PJA2: variants seen among roughly 807,000 people sequenced by gnomAD.
PJA2 encodes the protein E3 ubiquitin-protein ligase Praja-2.
In PJA2, 25 loss-of-function variants were observed where a neutral mutation model predicts 69.3. That is an observed-to-expected ratio of 0.36 (90% confidence interval 0.26 to 0.50). The LOEUF (loss-of-function observed/expected upper bound fraction) is 0.50, where lower values mean the gene tolerates loss of function less well. Ranked by LOEUF, PJA2 falls within the 20% of genes least tolerant of loss-of-function variation. PJA2 has a pLI of 0.96. For synonymous variants in PJA2, 308 were observed against 277.8 expected, an observed-to-expected ratio of 1.11 and a Z score of -1.08; for missense variants, 809 against 830.2, an observed-to-expected ratio of 0.97 and a Z score of 0.31.
chr5:109,370,301 A>C (rs1223424114), intron 4 of PJA2, among the ~76,000 whole-genome samples: 1 of 152,186 alleles, frequency 6.6e-6, no homozygotes, highest in African/African-American at 2.4e-5. Context: ...ACATTTTTGA[A>C]AGGAAGTGAT....
rs1746950611 is a variant in PJA2, at chr5:109,378,430, C to T, written c.1057G>A (p.Glu353Lys). 2 of 1,614,042 alleles carry T rather than the reference C, an allele frequency of 1.2e-6. No homozygotes were observed. Among genetic ancestry groups the T allele is most frequent in the Admixed American group, 1.7e-5 (1 of 60,004 alleles). ...VQRWREALEVEESGSDDLLIK... is the reference protein window; with the variant it reads ...VQRWREALEVKESGSDDLLIK... ...AAGAGGTCATCTGAGCCACTTTCCT[C>T]AACTTCCAAAGCCTCTCTCCATCTT... is the stretch of plus-strand genomic sequence containing the variant. Residue 353 changes from glutamate (E) to lysine (K), a missense_variant, in exon 4 of 10, where the codon GAG (glutamate) becomes AAG (lysine). Physicochemically the swap from Glu to Lys is moderately conservative, Grantham distance 56. Transcript: ENST00000361189.
chr5:109,341,638 G>A (rs1340003948), intron 9 of PJA2, among the ~76,000 whole-genome samples: 24 of 76,170 alleles, frequency 3.2e-4, no homozygotes, highest in African/African-American at 1.4e-3. Flanking sequence ...CGCCCCGTCC[G>A]GGAGGGAGGT....
chr5:109,354,566 TATA>T (rs576175627), intron 7 of PJA2, among the ~76,000 whole-genome samples: 49 of 47,208 alleles, frequency 1.0e-3, no homozygotes, highest in East Asian at 9.5e-3. Flanking sequence ...ATTAGATATC[TATA>T]ATATCTATAG....
chr5:109,356,412 C>T (rs1762413581), intron 6 of PJA2, among the ~76,000 whole-genome samples: 1 of 152,116 alleles, frequency 6.6e-6, no homozygotes, highest in Non-Finnish European at 1.5e-5. Context: ...CATACTGGCA[C>T]TCAAAAAGTT....
intron 1 of PJA2, among the ~76,000 whole-genome samples, chr5:109,388,149 C>G (rs958399397): frequency 1.3e-5 from 2 of 152,180 alleles, no homozygotes; most frequent in Non-Finnish European, 2.9e-5. Flanking sequence ...CTTAATTTCT[C>G]TGCTCACTCT....
Position 109,337,154 on chromosome 5 carries a change from T to C in PJA2, c.*77A>G. ...TAGCATTTTTAAATATATTTATATA[T>C]AATTATTTGCACATGAAATTTAGAA... On this transcript the variant is annotated 3_prime_UTR_variant, in exon 10 of 10. Coordinates refer to ENST00000361189, the MANE Select transcript of PJA2 (RefSeq NM_014819.5). The C allele has an allele frequency of 7.3e-7, 1 of 1,364,444 alleles. No homozygotes were observed. Among genetic ancestry groups the C allele is most frequent in the Admixed American group, 2.1e-5 (1 of 47,442 alleles). The allele number at this position is 1,364,444 out of a possible 1,614,324, so 84.5% of individuals were successfully genotyped here.
At chr5:109,356,061 C>T in intron 6 of PJA2, 35 bp from the exon 7 acceptor site, 1 of 1,421,460 alleles carries the variant, frequency 7.0e-7, no homozygotes, top group Non-Finnish European at 9.8e-7. Flanking sequence ...AAAAACTCAC[C>T]ACTATGATTT....
At position 109,344,818 on chromosome 5, in the gene PJA2, G is replaced by C. The variant is rs748593027; in HGVS notation, c.1766C>G (p.Thr589Ser). Reference sequence around the variant, plus strand: ...AAGAGACTCTAAATGGGCCAGAGCAGTCTGAAAAACAAAAGGTACAGTTCT... The same window carrying C: ...AAGAGACTCTAAATGGGCCAGAGCACTCTGAAAAACAAAAGGTACAGTTCT... Reference protein sequence around the residue: ...LEERLAQAMETALAHLESLAV... With the variant: ...LEERLAQAMESALAHLESLAV... The change falls in exon 8 of 10, where the codon ACT becomes AGT. Residue 589 changes from threonine to serine, a missense_variant and splice_region_variant. Physicochemically the swap from Thr to Ser is moderately conservative, Grantham distance 58. This residue lies in a region of PJA2 where 55 missense variants were observed against 90.7 expected (regional missense o/e 0.61). Transcript: ENST00000361189. The C allele has an allele frequency of 6.2e-7, 1 of 1,600,532 alleles. No homozygotes were observed. The highest frequency in any genetic ancestry group is 8.5e-7 in the Non-Finnish European group (1 of 1,171,418).
chr5:109,361,461 C>T (rs982722314), intron 6 of PJA2, among the ~76,000 whole-genome samples: 7 of 152,162 alleles, frequency 4.6e-5, no homozygotes, highest in African/African-American at 1.7e-4. Flanking sequence ...GAAAACATTC[C>T]TTCATATGTA....
At position 109,378,505 on chromosome 5, in the gene PJA2, C is replaced by A. The variant is rs1300082858; in HGVS notation, c.982G>T (p.Asp328Tyr). 16 of 1,614,022 alleles carry A rather than the reference C, an allele frequency of 9.9e-6. No homozygotes were observed. Among genetic ancestry groups the A allele is most frequent in the Non-Finnish European group, 1.3e-5 (15 of 1,180,016 alleles). Residue 328 changes from aspartate (D) to tyrosine (Y), a missense_variant, in exon 4 of 10, where the codon GAC (aspartate) becomes TAC (tyrosine). Coordinates refer to ENST00000361189, the MANE Select transcript of PJA2 (RefSeq NM_014819.5). ...TGCCTATTAAAACCTGTTTCTTGGT[C>A]CACCTGGCTTGAACTTATCAGTTTT... Reference protein sequence around the residue: ...VRKLISSSQVDQETGFNRHEA... With the variant: ...VRKLISSSQVYQETGFNRHEA...
intron 9 of PJA2, among the ~76,000 whole-genome samples, chr5:109,338,997 T>G (rs1314016410): frequency 6.6e-6 from 1 of 152,236 alleles, no homozygotes; most frequent in Non-Finnish European, 1.5e-5. Flanking sequence ...GAATTTAAAC[T>G]GCACCTACCT....
chr5:109,395,338 G>A (rs1275476801), intron 1 of PJA2, among the ~76,000 whole-genome samples: 1 of 152,104 alleles, frequency 6.6e-6, no homozygotes, highest in Non-Finnish European at 1.5e-5. Context: ...AGACCAGCCT[G>A]AGCAACATGG....
intron 1 of PJA2, among the ~76,000 whole-genome samples, chr5:109,389,904 ATT>A (rs56405345): frequency 5.6e-5 from 8 of 143,444 alleles, no homozygotes; most frequent in South Asian, 2.2e-4. Flanking sequence ...TTTGCAGTCT[ATT>A]TTTTTTTTTT....
In PJA2 at chr5:109,362,245, A is replaced by G. The variant is rs1173210301; in HGVS notation, c.1652+595T>C. 2.0e-5 allele frequency among the ~76,000 whole-genome samples: 3 copies of G among 152,198 alleles called. No homozygotes were observed. The East Asian group carries it at 5.8e-4, about 29-fold the overall frequency. ...ACTATACACTTTAAAGATACTATAA[A>G]CCAAAACAGTTAAATTCTGAGCATT... On this transcript the variant is annotated intron_variant, in intron 6 of 9. Coordinates refer to ENST00000361189, the MANE Select transcript of PJA2 (RefSeq NM_014819.5).
intron 7 of PJA2, 48 bp from the exon 8 acceptor site, chr5:109,344,867 T>TTTTCTGTTACTGTTTTA: frequency 7.9e-7 from 1 of 1,258,134 alleles, no homozygotes; most frequent in Non-Finnish European, 1.1e-6. Context: ...TTTAAAACAG[T>TTTTCTGTTACTGTTTTA]AACAGAAAAC....
rs377680077 is a variant in PJA2 at position 109,379,301 on chromosome 5, T to C, written c.233-47A>G. ...ACATATTTTAAAGGATTAACTTAGA[T>C]AAAATTTTATGTAATAACTATCACT... On this transcript the variant is annotated intron_variant, in intron 3 of 9. Coordinates refer to ENST00000361189, the MANE Select transcript of PJA2 (RefSeq NM_014819.5). 1.9e-5 allele frequency: 25 copies of C among 1,318,586 alleles called. No homozygotes were observed. The African/African-American group carries it at 3.1e-4, about 17-fold the overall frequency. 81.7% of individuals were successfully genotyped at this position (1,318,586 alleles called of 1,614,324 possible). A position where few individuals can be genotyped will look rare whatever the true frequency, so the allele number is the denominator to read the frequency against.
intron 7 of PJA2, among the ~76,000 whole-genome samples, chr5:109,347,353 C>T (rs1762185505): frequency 1.3e-5 from 2 of 152,232 alleles, no homozygotes; most frequent in African/African-American, 4.8e-5. Context: ...AAGGACTTTG[C>T]TTCATGGTTC....
intron 1 of PJA2, among the ~76,000 whole-genome samples, chr5:109,390,264 G>A (rs1004349756): frequency 1.3e-5 from 2 of 151,912 alleles, no homozygotes; most frequent in African/African-American, 2.4e-5. Flanking sequence ...ATATTTGGAA[G>A]CTGTGTTACT....
At chr5:109,346,822 T>C (rs1310627731) in intron 7 of PJA2, among the ~76,000 whole-genome samples, 1 of 152,208 alleles carries the variant, frequency 6.6e-6, no homozygotes, top group Admixed American at 6.5e-5. Flanking sequence ...CTGTACACTT[T>C]AAAAAACTGT....
Sources: allele counts gnomAD v4.1 joint callset (sites outside exome capture counted in the v4.1 genomes callset), GRCh38; gene constraint gnomAD v4.1.1; regional missense constraint gnomAD v4.1.1; transcripts MANE v1.5; gene names NCBI Gene and HGNC (gene_info 2026-07-23, HGNC 2026-07-21).